Variants in TENM3 observed in about 807,000 individuals in gnomAD.
The protein encoded by TENM3 is teneurin-3.
Under a neutral mutation model 255.1 loss-of-function variants are expected in TENM3, and 63 were observed. That is an observed-to-expected ratio of 0.25 (90% CI 0.20 to 0.30). The LOEUF is 0.30. Ranked by LOEUF, TENM3 falls within the 10% of genes least tolerant of loss-of-function variation. TENM3 has a pLI of 1.00. For synonymous variants in TENM3, 1,306 were observed against 1,322.3 expected (o/e 0.99, Z 0.27); for missense variants, 2,929 against 3,461.1 (o/e 0.85, Z 3.86).
chr4:181,946,105 A>G, the TENM3 span, among the ~76,000 whole-genome samples: 3 of 152,196 alleles, frequency 2.0e-5, no homozygotes, highest in African/African-American at 7.2e-5. Context: ...AAGGAAAATT[A>G]GGTTGTTTTT....
At chr4:182,013,062 T>C in the TENM3 span, among the ~76,000 whole-genome samples, 1 of 152,078 alleles carries the variant, frequency 6.6e-6, no homozygotes, top group Non-Finnish European at 1.5e-5. Context: ...ACTTGTCCAT[T>C]ATATCACAAT....
chr4:181,490,867 A>C, the TENM3 span, among the ~76,000 whole-genome samples: 12 of 152,096 alleles, frequency 7.9e-5, no homozygotes, highest in African/African-American at 2.9e-4. Context: ...ATAATTTTCC[A>C]TCTGTCTTCA....
chr4:182,082,767 C>A, the TENM3 span, among the ~76,000 whole-genome samples: 1 of 152,150 alleles, frequency 6.6e-6, no homozygotes, highest in Admixed American at 6.6e-5. Context: ...TATCTACGAG[C>A]CTAGTGTTTC....
the TENM3 span, among the ~76,000 whole-genome samples, chr4:181,562,872 A>G: frequency 2.0e-5 from 3 of 151,944 alleles, no homozygotes; most frequent in Non-Finnish European, 4.4e-5. Context: ...GCGGGGTTTC[A>G]CCATGTTGGC....
chr4:182,333,443 C>G (rs906223186), intron 2 of TENM3, among the ~76,000 whole-genome samples: 1 of 152,090 alleles, frequency 6.6e-6, no homozygotes, highest in Non-Finnish European at 1.5e-5. Context: ...GTTCAGAAAT[C>G]TACTAACATA....
At chr4:181,797,476 G>A in the TENM3 span, among the ~76,000 whole-genome samples, 5 of 151,900 alleles carry the variant, frequency 3.3e-5, no homozygotes, top group Non-Finnish European at 5.9e-5. Flanking sequence ...AGGCTCTATC[G>A]GTATAACGAA....
At chr4:181,605,592 A>AGAAAGAAAAAGAAAG in the TENM3 span, among the ~76,000 whole-genome samples, 6 of 115,940 alleles carry the variant, frequency 5.2e-5, no homozygotes, top group South Asian at 2.7e-4. Context: ...AAGGAAAGAA[A>AGAAAGAAAAAGAAAG]GAAAGAAAGA....
chr4:182,418,865 G>A (rs1770580529), intron 3 of TENM3, among the ~76,000 whole-genome samples: 1 of 152,090 alleles, frequency 6.6e-6, no homozygotes, highest in Non-Finnish European at 1.5e-5. Flanking sequence ...GCCAGGCCAG[G>A]TCACAGGTCT....
chr4:181,580,471 T>C, the TENM3 span, among the ~76,000 whole-genome samples: 2 of 152,086 alleles, frequency 1.3e-5, no homozygotes, highest in Non-Finnish European at 2.9e-5. Flanking sequence ...TGCAAAGTAT[T>C]ACTGTCTCGC....
chr4:181,787,967 AGAGT>A, the TENM3 span, among the ~76,000 whole-genome samples: 1 of 152,200 alleles, frequency 6.6e-6, no homozygotes, highest in Admixed American at 6.5e-5. Flanking sequence ...TATACTCCAC[AGAGT>A]GAGACCTTGT....
chr4:181,708,738 T>C, the TENM3 span, among the ~76,000 whole-genome samples: 5,730 of 152,220 alleles, frequency 0.038, 330 homozygotes, highest in African/African-American at 0.13. Flanking sequence ...CTGATCTGAC[T>C]GGTCTAAGGA....
At chr4:182,177,622 T>A (rs958118368) in intron 1 of TENM3, among the ~76,000 whole-genome samples, 87 of 151,682 alleles carry the variant, frequency 5.7e-4, no homozygotes, top group African/African-American at 1.8e-3. Context: ...ATATTTTTTT[T>A]TTTTTTGCTC....
At chr4:181,612,548 T>A in the TENM3 span, among the ~76,000 whole-genome samples, 2 of 151,500 alleles carry the variant, frequency 1.3e-5, no homozygotes, top group East Asian at 3.9e-4. Context: ...GCTGACAATA[T>A]TTAACTTCTT....
intron 3 of TENM3, among the ~76,000 whole-genome samples, chr4:182,358,966 A>G (rs1025918526): frequency 2.6e-5 from 4 of 151,798 alleles, no homozygotes; most frequent in Admixed American, 6.6e-5. Flanking sequence ...TCCTGCATCT[A>G]TTGAGATAAT....
At chr4:181,820,867 A>C in the TENM3 span, among the ~76,000 whole-genome samples, 1 of 152,206 alleles carries the variant, frequency 6.6e-6, no homozygotes, top group African/African-American at 2.4e-5. Flanking sequence ...GCCTTTTAAA[A>C]AATTCTTCCT....
chr4:182,415,892 G>A (rs547278783), intron 3 of TENM3, among the ~76,000 whole-genome samples: 8 of 152,132 alleles, frequency 5.3e-5, no homozygotes, highest in South Asian at 4.2e-4. Context: ...ACTTGGAGTC[G>A]TTTAAAGCAG....
At chr4:181,793,144 A>G in the TENM3 span, among the ~76,000 whole-genome samples, 8 of 152,208 alleles carry the variant, frequency 5.3e-5, no homozygotes, top group African/African-American at 1.9e-4. Flanking sequence ...GGTAGCAGGA[A>G]GGGTGAGACT....
At chr4:181,764,107 T>C in the TENM3 span, among the ~76,000 whole-genome samples, 1 of 152,170 alleles carries the variant, frequency 6.6e-6, no homozygotes, top group East Asian at 1.9e-4. Context: ...TCTGCTCCTC[T>C]AAAAGAAAGA....
the TENM3 span, among the ~76,000 whole-genome samples, chr4:181,933,352 A>C: frequency 6.6e-6 from 1 of 152,222 alleles, no homozygotes; most frequent in African/African-American, 2.4e-5. Context: ...TATCACCATG[A>C]CTGCCAATCA....
Sources: allele counts gnomAD v4.1 joint callset (sites outside exome capture counted in the v4.1 genomes callset), GRCh38; gene constraint gnomAD v4.1.1; transcripts MANE v1.5; gene names NCBI Gene and HGNC (gene_info 2026-07-23, HGNC 2026-07-21).